Variants in BDH1 observed in about 807,000 individuals in gnomAD.
BDH1 encodes D-beta-hydroxybutyrate dehydrogenase, mitochondrial.
BDH1 carries 30 observed loss-of-function variants against 33.1 expected under a neutral mutation model. The observed-to-expected ratio is 0.91, with a 90% CI of 0.68 to 1.23. The LOEUF is 1.23. Ranked by LOEUF, BDH1 falls within the 50% of genes most tolerant of loss-of-function variation. BDH1 has a pLI of 0.00. For synonymous variants in BDH1, 190 were observed against 183.6 expected, an observed-to-expected ratio of 1.03 and a Z score of -0.28; for missense variants, 443 against 464.4, an observed-to-expected ratio of 0.95 and a Z score of 0.42.
chr3:197,557,503 A>G (rs1180455651), upstream of BDH1, among the ~76,000 whole-genome samples: 1 of 152,170 alleles, frequency 6.6e-6, no homozygotes, highest in Admixed American at 6.5e-5. The surrounding 1 kb of genome is among the most constrained non-coding windows in gnomAD (Gnocchi z 4.6). Flanking sequence ...CCAGCACTGT[A>G]GGAGGCTGAG....
rs757702931 is a variant in BDH1 at position 197,512,224 on chromosome 3, C to T, written c.703G>A (p.Val235Met). The change falls in exon 8 of 8, where the codon GTG becomes ATG. Residue 235 changes from valine (V) to methionine (M), a missense_variant. Transcript: ENST00000392379. Reference sequence around the variant, plus strand: ...GCGATGAAGTTGCCGGGCTCCACCACGCTGACCTTCACGCCCAGGGGGTAC... The same window carrying T: ...GCGATGAAGTTGCCGGGCTCCACCATGCTGACCTTCACGCCCAGGGGGTAC... ...EMYPLGVKVS[V>M]VEPGNFIAAT... 1.9e-6 allele frequency: 3 copies of T among 1,613,854 alleles called. No individual in the cohort carries two copies. The highest frequency in any genetic ancestry group is 3.3e-5 in the Admixed American group (2 of 60,032).
intron 2 of BDH1, among the ~76,000 whole-genome samples, chr3:197,548,850 C>A (rs1716312119): frequency 6.6e-6 from 1 of 150,964 alleles, no homozygotes. Flanking sequence ...GGCTCCGTCT[C>A]AAAAACAAAA....
chr3:197,515,593 C>T (rs1712617323), intron 6 of BDH1: 1 of 985,434 alleles, frequency 1.0e-6, no homozygotes, highest in African/African-American at 1.7e-5. Context: ...GACTCCATCC[C>T]TTCAGTTCTA....
rs1711774444 is a variant in BDH1, at chr3:197,510,305, CGGA to C, written c.*1587_*1589del. ...GGGCGCTGGAGGCCGGCGCCGGCTG[CGGA>C]GGAGGAGCGCCCTCTAGCGGCAGGT... On this transcript the variant is annotated 3_prime_UTR_variant, in exon 8 of 8. Transcript: ENST00000392379. The C allele has an allele frequency of 6.6e-6, 1 of 152,302 alleles. No homozygotes were observed. Among genetic ancestry groups the C allele is most frequent in the African/African-American group, 2.4e-5 (1 of 41,468 alleles). The allele number at this position is 152,302 out of a possible 1,614,324, so 9.4% of individuals were successfully genotyped here.
chr3:197,563,801 G>C (rs1717343122), intron 1 of BDH1, among the ~76,000 whole-genome samples: 1 of 152,088 alleles, frequency 6.6e-6, no homozygotes, highest in Non-Finnish European at 1.5e-5. Context: ...GAAAATAAAA[G>C]AGATGTAAAG....
rs1388563533 is a variant in BDH1 at position 197,516,165 on chromosome 3, C to T, written c.410-1749G>A. Among the ~76,000 whole-genome samples the T allele has an allele frequency of 2.0e-5, 3 of 152,174 alleles. No individual in the cohort carries two copies. The highest frequency in any genetic ancestry group is 6.5e-5 in the Admixed American group (1 of 15,282). ...TTCCCTGACACCTTTCTTTCACCTG[C>T]CCCCAGATACAAGTGGCCCCCAATG... On this transcript the variant is annotated intron_variant, in intron 6 of 7. Coordinates refer to ENST00000392379, the MANE Select transcript of BDH1 (RefSeq NM_203314.3). The surrounding 1 kb of genome is among the most constrained non-coding windows in gnomAD (Gnocchi z 4.2).
At chr3:197,541,398 G>A (rs553629561) in intron 3 of BDH1, among the ~76,000 whole-genome samples, 11 of 152,296 alleles carry the variant, frequency 7.2e-5, no homozygotes, top group East Asian at 3.9e-4. Context: ...GATCATGGTC[G>A]TGTGGTTATA....
At chr3:197,555,262 G>A (rs1716921580) in intron 1 of BDH1, 1 of 154,664 alleles carries the variant, frequency 6.5e-6, no homozygotes. Context: ...GGAGGAGGAG[G>A]AGGAGGGACG....
At position 197,532,457 on chromosome 3, in the gene BDH1, A is replaced by T; in HGVS notation, c.222T>A (p.His74Gln). 6.2e-7 allele frequency: 1 copy of T among 1,614,246 alleles called. No homozygotes were observed. The highest frequency in any genetic ancestry group is 8.5e-7 in the Non-Finnish European group (1 of 1,180,034). The change falls in exon 5 of 8, where the codon CAT becomes CAA. Residue 74 changes from histidine to glutamine, a missense_variant. Transcript: ENST00000392379. ...DSGFGFSLAK[H>Q]LHSKGFLVFA... ...ACACAAGGAAGCCTTTTGAATGCAG[A>T]TGCTTGGCCAATGAGAACCCAAATC...
At chr3:197,551,192 C>T (rs1202660833) in intron 2 of BDH1, among the ~76,000 whole-genome samples, 2 of 152,146 alleles carry the variant, frequency 1.3e-5, no homozygotes, top group Non-Finnish European at 2.9e-5. Flanking sequence ...ACCCATTGAC[C>T]ATCCCATCTT....
chr3:197,533,235 C>A (rs1436606154), intron 4 of BDH1, among the ~76,000 whole-genome samples: 1 of 152,118 alleles, frequency 6.6e-6, no homozygotes, highest in African/African-American at 2.4e-5. Flanking sequence ...TTCTCGCCCC[C>A]CACCTAGGCC....
chr3:197,524,123 G>C (rs1008943369), intron 5 of BDH1, among the ~76,000 whole-genome samples: 1 of 152,230 alleles, frequency 6.6e-6, no homozygotes, highest in African/African-American at 2.4e-5. Context: ...TTTCACAATA[G>C]GGATGAGCTA....
chr3:197,512,442 GAGGCT>G, intron 7 of BDH1, 78 bp from the exon 8 acceptor site: 1 of 1,464,968 alleles, frequency 6.8e-7, no homozygotes, highest in Non-Finnish European at 9.1e-7. Flanking sequence ...CATGTCTCTA[GAGGCT>G]TGGCTGGAAC....
At chr3:197,527,951 T>C (rs979409593) in intron 5 of BDH1, among the ~76,000 whole-genome samples, 2 of 152,178 alleles carry the variant, frequency 1.3e-5, no homozygotes, top group African/African-American at 4.8e-5. Flanking sequence ...CTTTATCTTC[T>C]TTTCCTGTTT....
At chr3:197,549,359 G>A (rs1716360640) in intron 2 of BDH1, among the ~76,000 whole-genome samples, 1 of 152,204 alleles carries the variant, frequency 6.6e-6, no homozygotes. Context: ...CAGAAAAAAA[G>A]AAAACAGCGT....
chr3:197,572,504 A>G (rs1366412875), intron 1 of BDH1, among the ~76,000 whole-genome samples: 2 of 152,232 alleles, frequency 1.3e-5, no homozygotes, highest in Non-Finnish European at 2.9e-5. Flanking sequence ...ACCCAGTTAC[A>G]GCAATAAACT....
chr3:197,560,558 G>A (rs546780263), upstream of BDH1, among the ~76,000 whole-genome samples: 3 of 152,328 alleles, frequency 2.0e-5, no homozygotes, highest in African/African-American at 4.8e-5. Flanking sequence ...AAATGACCCC[G>A]TCTGCTTTGT....
chr3:197,540,737 C>G (rs75407926), intron 3 of BDH1, among the ~76,000 whole-genome samples: 4,237 of 152,238 alleles, frequency 0.028, 75 homozygotes, highest in Middle Eastern at 0.058. Flanking sequence ...TGACTTGCTG[C>G]CCGTCTTTCT....
intron 5 of BDH1, among the ~76,000 whole-genome samples, chr3:197,524,511 A>G (rs988849020): frequency 2.0e-5 from 3 of 152,308 alleles, no homozygotes; most frequent in Middle Eastern, 3.4e-3. Context: ...GGACTGCCCA[A>G]TGGGGCCGGA....
Sources: allele counts gnomAD v4.1 joint callset (sites outside exome capture counted in the v4.1 genomes callset), GRCh38; gene constraint gnomAD v4.1.1; non-coding constraint Gnocchi (gnomAD v3.1); transcripts MANE v1.5; gene names NCBI Gene and HGNC (gene_info 2026-07-23, HGNC 2026-07-21).